The following HYDIN variants were observed in gnomAD, a reference collection of about 807,000 sequenced individuals.
HYDIN encodes the protein HYDIN axonemal central pair apparatus protein, also known as axonemal central pair apparatus protein HYDIN.
In HYDIN, 132 loss-of-function variants were observed where a neutral mutation model predicts 403.9. That is an observed-to-expected ratio of 0.33 (90% CI 0.28 to 0.38). The LOEUF (loss-of-function observed/expected upper bound fraction) is 0.38. HYDIN is among the 10% of genes least tolerant of loss of function. The pLI is 1.00. For synonymous variants in HYDIN, 1,202 were observed against 1,891.7 expected (o/e 0.64, Z 9.46); for missense variants, 2,827 against 5,009.5 (o/e 0.56, Z 13.15).
chr16:71,059,007 T>C (rs1382144436), intron 18 of HYDIN, among the ~76,000 whole-genome samples: 2 of 152,264 alleles, frequency 1.3e-5, no homozygotes, highest in Non-Finnish European at 2.9e-5. Context: ...AGATACAGTA[T>C]GTGATACATA....
intron 18 of HYDIN, among the ~76,000 whole-genome samples, chr16:71,039,504 T>C (rs377646989): frequency 6.6e-6 from 1 of 152,118 alleles, no homozygotes; most frequent in South Asian, 2.1e-4. Context: ...CCTACTTGAA[T>C]GTTGCCTTTC....
At chr16:70,931,533 T>C (rs1161335117) in intron 45 of HYDIN, among the ~76,000 whole-genome samples, 7 of 151,860 alleles carry the variant, frequency 4.6e-5, no homozygotes, top group Non-Finnish European at 7.4e-5. Flanking sequence ...TATAGTCTCA[T>C]GCCCCAGCCC....
intron 10 of HYDIN, among the ~76,000 whole-genome samples, chr16:71,098,199 C>CTTTTT (rs1293436490): frequency 9.0e-5 from 12 of 133,082 alleles, no homozygotes; most frequent in Non-Finnish European, 8.1e-5. Context: ...ATAAAACTTT[C>CTTTTT]TTTCTTTTTT....
chr16:71,229,438 C>T (rs2041184102), intron 1 of HYDIN, among the ~76,000 whole-genome samples: 1 of 152,134 alleles, frequency 6.6e-6, no homozygotes, highest in South Asian at 2.1e-4. Flanking sequence ...TAACATATGT[C>T]CATACAAATA....
intron 18 of HYDIN, among the ~76,000 whole-genome samples, chr16:71,043,515 C>T (rs890014416): frequency 6.8e-5 from 10 of 147,054 alleles, no homozygotes; most frequent in African/African-American, 2.5e-4. Flanking sequence ...ATTTTATTTT[C>T]CAGATATTCT....
At chr16:71,115,661 G>A (rs375174106) in intron 10 of HYDIN, 35 bp downstream of exon 10, 22 of 864,662 alleles carry the variant, frequency 2.5e-5, no homozygotes, top group Non-Finnish European at 4.1e-5. Context: ...TGGGTGCCTG[G>A]TAACCTGAGT....
intron 7 of HYDIN, among the ~76,000 whole-genome samples, chr16:71,146,094 A>G (rs2085357592): frequency 6.6e-6 from 1 of 152,218 alleles, no homozygotes; most frequent in African/African-American, 2.4e-5. Context: ...TGTATTAAAA[A>G]TACCCCCAAA....
At chr16:71,002,028 T>C (rs1486515460) in intron 23 of HYDIN, among the ~76,000 whole-genome samples, 1 of 152,260 alleles carries the variant, frequency 6.6e-6, no homozygotes, top group African/African-American at 2.4e-5. Flanking sequence ...CTGCTCATTC[T>C]TCTCTCCTGG....
chr16:70,976,698 A>G (rs1169127847), intron 30 of HYDIN, among the ~76,000 whole-genome samples: 1 of 151,794 alleles, frequency 6.6e-6, no homozygotes, highest in Non-Finnish European at 1.5e-5. Context: ...GTTAAAAAGT[A>G]TATGTCAAAC....
chr16:70,998,092 G>A (rs8053273), intron 23 of HYDIN, among the ~76,000 whole-genome samples: 2,312 of 152,110 alleles, frequency 0.015, 25 homozygotes, highest in African/African-American at 0.054. Flanking sequence ...ACAGATTCAT[G>A]AGAACTAACA....
At chr16:71,192,463 A>G (rs1231415641) in intron 1 of HYDIN, among the ~76,000 whole-genome samples, 3 of 152,054 alleles carry the variant, frequency 2.0e-5, no homozygotes, top group African/African-American at 7.2e-5. Context: ...ACTCCTTAGC[A>G]TGCTGTTCAT....
intron 73 of HYDIN, among the ~76,000 whole-genome samples, chr16:70,853,903 T>C (rs1423625286): frequency 1.4e-5 from 2 of 147,676 alleles, no homozygotes; most frequent in African/African-American, 5.3e-5. Context: ...TTTTTTTTTT[T>C]TTTTTTGAGA....
Position 71,129,662 on chromosome 16 carries a change from T to G in HYDIN, c.1205A>C (p.Asn402Thr). ...VQGDSKLFFN[N>T]VFTVEPLEGD... Reference sequence around the variant, plus strand: ...CACCAGGGGCTCCACAGTGAAAACGTTATTGAAGAACAGCTTGCTGTCTCC... The same window carrying G: ...CACCAGGGGCTCCACAGTGAAAACGGTATTGAAGAACAGCTTGCTGTCTCC... Residue 402 changes from asparagine (N) to threonine (T), a missense_variant, in exon 9 of 86, where the codon AAC becomes ACC. Coordinates refer to ENST00000393567, the MANE Select transcript of HYDIN (RefSeq NM_001270974.2). 3 of 1,614,100 alleles carry G rather than the reference T, an allele frequency of 1.9e-6. No homozygotes were observed. Among genetic ancestry groups the G allele is most frequent in the Non-Finnish European group, 2.5e-6 (3 of 1,179,988 alleles).
At position 70,962,292 on chromosome 16, in the gene HYDIN, A is replaced by G. The variant is rs1004097317; in HGVS notation, c.5789-154T>C. ...TTCAACCCAAATAAACAAGAACTGC[A>G]GTCAGTTGGCTATTCCTCAGTCTCT... On this transcript the variant is annotated intron_variant, in intron 37 of 85. Coordinates refer to ENST00000393567, the MANE Select transcript of HYDIN (RefSeq NM_001270974.2). Among the ~76,000 whole-genome samples, 20 of 151,272 alleles carry G rather than the reference A, an allele frequency of 1.3e-4. 1 individual carries two copies. Among genetic ancestry groups the G allele is most frequent in the African/African-American group, 4.9e-4 (20 of 41,132 alleles).
chr16:71,200,632 A>C (rs968918682), intron 1 of HYDIN, among the ~76,000 whole-genome samples: 1 of 152,194 alleles, frequency 6.6e-6, no homozygotes, highest in African/African-American at 2.4e-5. Context: ...TTTTTTATTT[A>C]TCTACCAAGC....
chr16:70,861,088 A>G (rs1297746927), intron 69 of HYDIN, among the ~76,000 whole-genome samples, 187 bp from the exon 70 acceptor site: 1 of 151,662 alleles, frequency 6.6e-6, no homozygotes, highest in East Asian at 1.9e-4. Context: ...AGCAGCCTGA[A>G]TTTGGCTCCT....
intron 1 of HYDIN, among the ~76,000 whole-genome samples, chr16:71,204,446 G>A (rs2088187704): frequency 6.6e-6 from 1 of 152,180 alleles, no homozygotes; most frequent in African/African-American, 2.4e-5. Context: ...AGAAGCAAGT[G>A]AACAGCAAGC....
intron 1 of HYDIN, among the ~76,000 whole-genome samples, chr16:71,221,303 T>C (rs1364487387): frequency 6.6e-6 from 1 of 151,852 alleles, no homozygotes; most frequent in Non-Finnish European, 1.5e-5. Context: ...GCCAACTCTC[T>C]TAGAGATGTA....
chr16:71,219,221 C>T (rs1035030977), intron 1 of HYDIN, among the ~76,000 whole-genome samples: 1 of 151,922 alleles, frequency 6.6e-6, no homozygotes, highest in Non-Finnish European at 1.5e-5. Flanking sequence ...AAAACAGACA[C>T]AGATACAGTC....
Sources: allele counts gnomAD v4.1 joint callset (sites outside exome capture counted in the v4.1 genomes callset), GRCh38; gene constraint gnomAD v4.1.1; transcripts MANE v1.5; gene names NCBI Gene and HGNC (gene_info 2026-07-23, HGNC 2026-07-21).